Variants in KCNH1 observed in about 807,000 individuals in gnomAD.
KCNH1 encodes the protein voltage-gated delayed rectifier potassium channel KCNH1.
KCNH1 carries 27 observed loss-of-function variants against 69.2 expected under a neutral mutation model. That is an observed-to-expected ratio of 0.39 (90% CI 0.29 to 0.54). KCNH1 has a LOEUF of 0.54. KCNH1 is among the 20% of genes least tolerant of loss of function. The pLI, the probability that KCNH1 is intolerant of heterozygous loss-of-function variation, is 0.68. For synonymous variants in KCNH1, 456 were observed against 487.7 expected (o/e 0.93, Z 0.86); for missense variants, 798 against 1,261.6 (o/e 0.63, Z 5.57).
chr1:210,742,172 G>A (rs1218915393), intron 10 of KCNH1, among the ~76,000 whole-genome samples: 1 of 152,120 alleles, frequency 6.6e-6, no homozygotes, highest in East Asian at 1.9e-4. Flanking sequence ...AGGACAACAG[G>A]TCAAATCTAG....
Position 211,121,962 on chromosome 1 carries a change from C to T in KCNH1, c.79+11905G>A, listed in dbSNP as rs1056911453. 2.0e-5 allele frequency among the ~76,000 whole-genome samples: 3 copies of T among 152,012 alleles called. No homozygotes were observed. The East Asian group carries it at 5.8e-4, about 29-fold the overall frequency. On this transcript the variant is annotated intron_variant, in intron 1 of 10. Coordinates refer to ENST00000271751, the MANE Select transcript of KCNH1 (RefSeq NM_172362.3). ...CATCCTGGCTAACACGGTGAAACCC[C>T]GTCTCTACTAAAAAAATACAAAAAA...
chr1:210,817,535 G>T (rs745521392), intron 7 of KCNH1, among the ~76,000 whole-genome samples: 1 of 152,160 alleles, frequency 6.6e-6, no homozygotes, highest in Non-Finnish European at 1.5e-5. Flanking sequence ...GCCAGTAACA[G>T]ATGGAAGAAA....
chr1:210,683,693 A>G lies in KCNH1; in HGVS notation c.2558T>C (p.Val853Ala). Reference sequence around the variant, plus strand: ...TGTCTCCATCGACTCAGCCTTGGACACCTTGTTCCAGTCCTCACTCTTCCC... The same window carrying G: ...TGTCTCCATCGACTCAGCCTTGGACGCCTTGTTCCAGTCCTCACTCTTCCC... ...ACGKSEDWNK[V>A]SKAESMETLP... Residue 853 changes from valine (V) to alanine (A), a missense_variant, in exon 11 of 11, where the codon GTG (valine) becomes GCG (alanine). This residue lies in a region of KCNH1 where 331 missense variants were observed against 363.2 expected (regional missense o/e 0.91). Coordinates refer to ENST00000271751, the MANE Select transcript of KCNH1 (RefSeq NM_172362.3). The surrounding 1 kb of genome is among the most constrained non-coding windows in gnomAD (Gnocchi z 5.7). The G allele has an allele frequency of 3.1e-6, 5 of 1,614,074 alleles. No individual in the cohort carries two copies. Among genetic ancestry groups the G allele is most frequent in the Non-Finnish European group, 4.2e-6 (5 of 1,180,018 alleles).
At position 210,821,406 on chromosome 1, in the gene KCNH1, T is replaced by G. The variant is rs929194771; in HGVS notation, c.1463-17240A>C. Among the ~76,000 whole-genome samples, 21 of 152,312 alleles carry G rather than the reference T, an allele frequency of 1.4e-4. 1 individual carries two copies. Among genetic ancestry groups the G allele is most frequent in the East Asian group, 9.6e-4 (5 of 5,188 alleles). On this transcript the variant is annotated intron_variant, in intron 7 of 10. Transcript: ENST00000271751. Reference sequence around the variant, plus strand: ...ATGTAGACCATTCCCACCCCATCCCTCACTTGGGATGCCCCTGATCCTCCC... The same window carrying G: ...ATGTAGACCATTCCCACCCCATCCCGCACTTGGGATGCCCCTGATCCTCCC...
At position 210,683,919 on chromosome 1, in the gene KCNH1, C is replaced by A. The variant is rs72751436; in HGVS notation, c.2332G>T (p.Ala778Ser). ...KGNVLTEHAS[A>S]NHSLVKASVV... ...CTGGCCTTCACGAGGCTGTGGTTGGCGGAGGCATGCTCTGTAAGGACATTG... is the reference window on the plus strand; with the variant it reads ...CTGGCCTTCACGAGGCTGTGGTTGGAGGAGGCATGCTCTGTAAGGACATTG... Residue 778 changes from alanine (A) to serine (S), a missense_variant, in exon 11 of 11, where the codon GCC becomes TCC. Ala to Ser is a moderately conservative substitution (Grantham distance 99, BLOSUM62 1). Transcript: ENST00000271751. The surrounding 1 kb of genome is among the most constrained non-coding windows in gnomAD (Gnocchi z 5.7). The A allele has an allele frequency of 2.7e-5, 43 of 1,612,528 alleles. No homozygotes were observed. Among genetic ancestry groups the A allele is most frequent in the Non-Finnish European group, 3.6e-5 (42 of 1,178,848 alleles).
At chr1:211,097,425 T>C (rs914211715) in intron 3 of KCNH1, among the ~76,000 whole-genome samples, 3 of 152,110 alleles carry the variant, frequency 2.0e-5, no homozygotes, top group African/African-American at 7.2e-5. Flanking sequence ...CTTGTTCACT[T>C]CTAAATGGTT....
At chr1:211,062,725 T>C (rs1449100918) in intron 5 of KCNH1, among the ~76,000 whole-genome samples, 1 of 152,160 alleles carries the variant, frequency 6.6e-6, no homozygotes, top group African/African-American at 2.4e-5. Context: ...ACATCACTGA[T>C]CAGAGAAATG....
chr1:210,961,657 A>G (rs980532358), intron 6 of KCNH1, among the ~76,000 whole-genome samples: 13 of 152,204 alleles, frequency 8.5e-5, no homozygotes, highest in African/African-American at 1.4e-4. Context: ...CCTGACCAAC[A>G]TGGAGAAACC....
intron 10 of KCNH1, among the ~76,000 whole-genome samples, chr1:210,737,247 AAG>A (rs1465710870): frequency 3.3e-5 from 5 of 152,178 alleles, no homozygotes; most frequent in African/African-American, 1.2e-4. Context: ...ACTACGAGGA[AAG>A]ACACCCAAAG....
intron 4 of KCNH1, among the ~76,000 whole-genome samples, chr1:211,085,702 A>T (rs1690940633): frequency 6.6e-6 from 1 of 152,220 alleles, no homozygotes; most frequent in South Asian, 2.1e-4. Flanking sequence ...GGTGACAGCT[A>T]ATCAATGAGA....
At chr1:210,885,762 TA>T (rs1243481641) in intron 7 of KCNH1, among the ~76,000 whole-genome samples, 5 of 151,966 alleles carry the variant, frequency 3.3e-5, no homozygotes, top group South Asian at 2.1e-4. Flanking sequence ...CCTCACAGTA[TA>T]AAAAAAGCTG....
Position 210,935,295 on chromosome 1 carries a change from C to T in KCNH1, c.1033-15226G>A, listed in dbSNP as rs184201990. 2.6e-5 allele frequency among the ~76,000 whole-genome samples: 4 copies of T among 152,068 alleles called. No homozygotes were observed. The East Asian group carries it at 7.7e-4, about 29-fold the overall frequency. ...AAAAGATAAATATTACATGTTCACA[C>T]TCATATATGGAAGATAAAAAGGTTT... On this transcript the variant is annotated intron_variant, in intron 6 of 10. Coordinates refer to ENST00000271751, the MANE Select transcript of KCNH1 (RefSeq NM_172362.3).
intron 7 of KCNH1, among the ~76,000 whole-genome samples, chr1:210,897,249 C>T (rs1686888631): frequency 6.6e-6 from 1 of 152,106 alleles, no homozygotes; most frequent in Non-Finnish European, 1.5e-5. Flanking sequence ...GCTTCCTTCA[C>T]CAGAAAAGAG....
chr1:211,017,553 C>G (rs1689514640), intron 6 of KCNH1, among the ~76,000 whole-genome samples: 1 of 152,166 alleles, frequency 6.6e-6, no homozygotes. Flanking sequence ...CTTAATCCAT[C>G]TGGAATGTCC....
chr1:210,925,160 T>C (rs1482023323), intron 6 of KCNH1, among the ~76,000 whole-genome samples: 1 of 151,972 alleles, frequency 6.6e-6, no homozygotes, highest in African/African-American at 2.4e-5. Context: ...GACCCAAAAG[T>C]AAAGGAAATC....
intron 7 of KCNH1, among the ~76,000 whole-genome samples, chr1:210,829,153 T>A (rs1031728282): frequency 6.6e-5 from 10 of 152,188 alleles, no homozygotes; most frequent in African/African-American, 2.4e-4. Flanking sequence ...AACTCTGGTC[T>A]AAGAAGGAAA....
chr1:210,894,220 T>C (rs1368461397), intron 7 of KCNH1, among the ~76,000 whole-genome samples: 1 of 152,206 alleles, frequency 6.6e-6, no homozygotes, highest in Non-Finnish European at 1.5e-5. Context: ...TGGAACACAG[T>C]TAAATTATTT....
At chr1:210,988,231 T>C (rs1688879630) in intron 6 of KCNH1, among the ~76,000 whole-genome samples, 1 of 152,314 alleles carries the variant, frequency 6.6e-6, no homozygotes, top group South Asian at 2.1e-4. Context: ...TTGTGCTTCC[T>C]GGGTGAGGCA....
intron 6 of KCNH1, among the ~76,000 whole-genome samples, chr1:211,017,914 G>T (rs1259040395): frequency 1.3e-5 from 2 of 152,136 alleles, no homozygotes; most frequent in Non-Finnish European, 2.9e-5. Context: ...GGAGGTGTTT[G>T]GGTCATGGGG....
Sources: gnomAD v4.1 joint callset for allele counts (sites outside exome capture counted in the v4.1 genomes callset) on GRCh38, gnomAD v4.1.1 for gene constraint, gnomAD v4.1.1 regional missense constraint, Gnocchi (gnomAD v3.1) non-coding constraint, MANE v1.5 for transcripts, NCBI Gene and HGNC (gene_info 2026-07-23, HGNC 2026-07-21) for gene names.